FAM81A: variants seen among roughly 807,000 people sequenced by gnomAD.
FAM81A encodes the protein family with sequence similarity 81 member A.
A neutral mutation model predicts 46.7 loss-of-function variants in FAM81A; 19 were observed. That is an observed-to-expected ratio of 0.41 (90% CI 0.28 to 0.60). The LOEUF (loss-of-function observed/expected upper bound fraction) is 0.60. Ranked by LOEUF, FAM81A falls within the 20% of genes least tolerant of loss-of-function variation. The probability of loss-of-function intolerance (pLI) is 0.34; values close to 1 mark genes in which losing one functional copy is unlikely to be tolerated. For synonymous variants in FAM81A, 183 were observed against 152.9 expected (o/e 1.20, Z -1.45); for missense variants, 377 against 453.5 (o/e 0.83, Z 1.53).
At chr15:59,473,191 C>T (rs376038980) in intron 3 of FAM81A, among the ~76,000 whole-genome samples, 1 of 152,150 alleles carries the variant, frequency 6.6e-6, no homozygotes. Context: ...CTTCACTCTC[C>T]GCAATTTCAG....
At chr15:59,491,361 AAATT>A (rs2081979027) in intron 3 of FAM81A, among the ~76,000 whole-genome samples, 1 of 152,180 alleles carries the variant, frequency 6.6e-6, no homozygotes, top group Non-Finnish European at 1.5e-5. Flanking sequence ...TGGGAGCTAA[AAATT>A]AAAACAATTG....
At chr15:59,453,479 C>A (rs111784783) in intron 1 of FAM81A, among the ~76,000 whole-genome samples, 2 of 152,138 alleles carry the variant, frequency 1.3e-5, no homozygotes, top group Non-Finnish European at 2.9e-5. Flanking sequence ...AGTTATGTGA[C>A]CCCCAACTCA....
intron 4 of FAM81A, among the ~76,000 whole-genome samples, chr15:59,496,153 C>T (rs368733265): frequency 1.7e-4 from 26 of 152,040 alleles, no homozygotes; most frequent in African/African-American, 5.8e-4. Context: ...TCAGCTCTTA[C>T]ATTTAGGCCT....
intron 2 of FAM81A, among the ~76,000 whole-genome samples, chr15:59,428,755 C>T (rs2081206382): frequency 6.6e-6 from 1 of 151,588 alleles, no homozygotes; most frequent in African/African-American, 2.4e-5. Context: ...CTCAACCTCC[C>T]AAGTAGCTGG....
intron 2 of FAM81A, among the ~76,000 whole-genome samples, chr15:59,424,340 T>A (rs2081186620): frequency 6.6e-6 from 1 of 152,200 alleles, no homozygotes; most frequent in South Asian, 2.1e-4. Context: ...ATCTGGTTCT[T>A]CCTTCTCTGG....
intron 2 of FAM81A, among the ~76,000 whole-genome samples, chr15:59,402,727 G>T (rs2081077203): frequency 7.7e-6 from 1 of 129,770 alleles, no homozygotes. Flanking sequence ...GGGTGGGGGG[G>T]ATATTTAGTA....
chr15:59,489,430 T>C (rs1329196808), intron 3 of FAM81A, among the ~76,000 whole-genome samples: 1 of 152,162 alleles, frequency 6.6e-6, no homozygotes, highest in Non-Finnish European at 1.5e-5. Context: ...TGGAAAGATA[T>C]TCCATGTTCG....
At chr15:59,501,152 G>A (rs1226852491) in intron 4 of FAM81A, among the ~76,000 whole-genome samples, 1 of 152,076 alleles carries the variant, frequency 6.6e-6, no homozygotes, top group African/African-American at 2.4e-5. Flanking sequence ...TTTGTTTAGC[G>A]ACTTGAATGG....
At chr15:59,479,816 A>G (rs2141708876) in intron 3 of FAM81A, among the ~76,000 whole-genome samples, 1 of 152,318 alleles carries the variant, frequency 6.6e-6, no homozygotes, top group Non-Finnish European at 1.5e-5. Flanking sequence ...ATGGGAAGCC[A>G]TTATTTAGTG....
intron 2 of FAM81A, among the ~76,000 whole-genome samples, chr15:59,402,706 AT>A (rs34870600): frequency 7.9e-5 from 6 of 76,236 alleles, no homozygotes; most frequent in Admixed American, 3.0e-4. Flanking sequence ...AAGCCTGGAT[AT>A]TTTTTTGGGG....
At chr15:59,474,907 T>G (rs1382537706) in intron 3 of FAM81A, among the ~76,000 whole-genome samples, 1 of 152,238 alleles carries the variant, frequency 6.6e-6, no homozygotes, top group African/African-American at 2.4e-5. Flanking sequence ...TCTTCTATAA[T>G]CGACTCTCAA....
chr15:59,403,014 G>A (rs1049940081), intron 2 of FAM81A, among the ~76,000 whole-genome samples: 14 of 151,556 alleles, frequency 9.2e-5, no homozygotes, highest in African/African-American at 3.2e-4. Flanking sequence ...GGTTATTGCC[G>A]ATGTAGAGGA....
intron 4 of FAM81A, among the ~76,000 whole-genome samples, chr15:59,495,435 G>A (rs1195827374): frequency 3.9e-5 from 6 of 152,180 alleles, no homozygotes; most frequent in African/African-American, 1.4e-4. Context: ...GAACGTTGGG[G>A]TTGTTTCCAC....
intron 1 of FAM81A, among the ~76,000 whole-genome samples, chr15:59,450,576 G>A (rs537676987): frequency 6.6e-6 from 1 of 152,146 alleles, no homozygotes; most frequent in Non-Finnish European, 1.5e-5. Flanking sequence ...TTTCATACTT[G>A]ATTTTTGCCA....
intron 1 of FAM81A, among the ~76,000 whole-genome samples, chr15:59,442,103 C>T (rs1159968613): frequency 3.3e-5 from 5 of 152,152 alleles, no homozygotes; most frequent in African/African-American, 1.2e-4. Flanking sequence ...GGGACTCCAC[C>T]AGTCTGACCT....
At chr15:59,467,263 TG>T (rs1292887336) in intron 3 of FAM81A, among the ~76,000 whole-genome samples, 1 of 152,220 alleles carries the variant, frequency 6.6e-6, no homozygotes, top group East Asian at 1.9e-4. Flanking sequence ...GGTAGCTTGA[TG>T]GGGATGGCAT....
rs2081990918 is a variant in FAM81A at position 59,492,400 on chromosome 15, A to G, written c.413+11A>G. The stretch of plus-strand genomic sequence containing the variant: ...AGGAAGAGTGGCAAGGTAGGTGTTC[A>G]AATGTTGGGGTCTCTGCTCATCAAA... On this transcript the variant is annotated intron_variant, in intron 4 of 8. Coordinates refer to ENST00000288228, the MANE Select transcript of FAM81A (RefSeq NM_152450.3). 1 of 1,605,754 alleles carries G rather than the reference A, an allele frequency of 6.2e-7. No individual in the cohort carries two copies. Among genetic ancestry groups the G allele is most frequent in the East Asian group, 2.2e-5 (1 of 44,818 alleles).
At chr15:59,472,322 A>AGG (rs2081704246) in intron 3 of FAM81A, among the ~76,000 whole-genome samples, 1 of 152,072 alleles carries the variant, frequency 6.6e-6, no homozygotes, top group Non-Finnish European at 1.5e-5. Context: ...TGGGTAACAG[A>AGG]GGGAGATGCT....
intron 5 of FAM81A, among the ~76,000 whole-genome samples, chr15:59,508,005 T>C (rs117227929): frequency 6.6e-6 from 1 of 152,352 alleles, no homozygotes; most frequent in East Asian, 1.9e-4. Context: ...TCTGGTTAAC[T>C]TACTGGATTA....
Sources: allele counts gnomAD v4.1 joint callset (sites outside exome capture counted in the v4.1 genomes callset), GRCh38; gene constraint gnomAD v4.1.1; transcripts MANE v1.5; gene names NCBI Gene and HGNC (gene_info 2026-07-23, HGNC 2026-07-21).